PTPRD: variants seen among roughly 807,000 people sequenced by gnomAD.
PTPRD encodes the protein protein tyrosine phosphatase receptor type D.
A neutral mutation model predicts 214.5 loss-of-function variants in PTPRD; 34 were observed. The observed-to-expected ratio is 0.16, with a 90% confidence interval of 0.12 to 0.21. The LOEUF is 0.21. Among genes scored for constraint, PTPRD ranks in the 10% least tolerant of loss-of-function variants. The probability of loss-of-function intolerance (pLI) is 1.00; values close to 1 mark genes in which losing one functional copy is unlikely to be tolerated. For synonymous variants in PTPRD, 1,128 were observed against 845.7 expected, an observed-to-expected ratio of 1.33 and a Z score of -5.79; for missense variants, 2,545 against 2,398.7, an observed-to-expected ratio of 1.06 and a Z score of -1.27.
chr9:9,552,758 T>A (rs1304579685), intron 8 of PTPRD, among the ~76,000 whole-genome samples: 2 of 152,098 alleles, frequency 1.3e-5, no homozygotes, highest in African/African-American at 4.8e-5. Flanking sequence ...AATCACATTG[T>A]GACATGGCTG....
chr9:8,699,726 T>C (rs2098028094), intron 12 of PTPRD, among the ~76,000 whole-genome samples: 1 of 151,710 alleles, frequency 6.6e-6, no homozygotes, highest in Non-Finnish European at 1.5e-5. Flanking sequence ...TCACATTGCT[T>C]CAGTAGAATC....
chr9:10,328,351 C>T (rs138091581), intron 3 of PTPRD, among the ~76,000 whole-genome samples: 4 of 151,626 alleles, frequency 2.6e-5, no homozygotes, highest in African/African-American at 9.7e-5. Flanking sequence ...TGCATTTGCA[C>T]AGGAGACTGT....
intron 10 of PTPRD, among the ~76,000 whole-genome samples, chr9:9,044,036 G>C (rs2099659268): frequency 1.3e-5 from 2 of 152,094 alleles, no homozygotes; most frequent in East Asian, 3.9e-4. Flanking sequence ...ATTTAAATAA[G>C]AGCTAATGTT....
At chr9:8,903,401 T>C (rs571226426) in intron 11 of PTPRD, among the ~76,000 whole-genome samples, 96 of 152,280 alleles carry the variant, frequency 6.3e-4, no homozygotes, top group Non-Finnish European at 1.3e-3. Flanking sequence ...TAGTCATCCA[T>C]TAGCATCATT....
chr9:10,164,617 G>A (rs549029948), intron 3 of PTPRD, among the ~76,000 whole-genome samples: 41 of 151,640 alleles, frequency 2.7e-4, no homozygotes, highest in South Asian at 1.7e-3. Flanking sequence ...GATTTGCATC[G>A]TCCTTATAAA....
rs1315107451 is a variant in PTPRD at position 8,517,773 on chromosome 9, CTTTG to C, written c.1543+71_1543+74del. The C allele has an allele frequency of 2.1e-4, 271 of 1,275,508 alleles. 1 individual carries two copies. Among genetic ancestry groups the C allele is most frequent in the Middle Eastern group, 3.9e-4 (2 of 5,154 alleles). 79.0% of individuals were successfully genotyped at this position (1,275,508 alleles called of 1,614,324 possible). The stretch of plus-strand genomic sequence containing the variant: ...AAAATTCATACCATCTTTGTTCCTT[CTTTG>C]TTTTTGTCCTTCTCACCTCTTTGCA... On this transcript the variant is annotated intron_variant, in intron 21 of 45. Transcript: ENST00000381196.
intron 11 of PTPRD, among the ~76,000 whole-genome samples, chr9:8,923,160 G>T (rs1386940515): frequency 6.6e-6 from 1 of 151,508 alleles, no homozygotes; most frequent in Non-Finnish European, 1.5e-5. Context: ...TCCTGCCTCA[G>T]CCTCCTAAGT....
chr9:8,552,592 G>C lies in PTPRD; in HGVS notation c.353-23813C>G, dbSNP rs2082427752. On this transcript the variant is annotated intron_variant, in intron 14 of 45. Transcript: ENST00000381196. ...TGATGAACGGAGGCCAAGCAAATAG[G>C]AAATCCAACCAGCGACCAGATCAGG... Among the ~76,000 whole-genome samples the C allele has an allele frequency of 2.6e-5, 4 of 152,086 alleles. No individual in the cohort carries two copies. In the South Asian group the frequency reaches 6.2e-4, roughly 24 times the overall value.
At chr9:8,485,450 T>C in intron 28 of PTPRD, 126 bp from the exon 29 acceptor site, 2 of 685,440 alleles carry the variant, frequency 2.9e-6, no homozygotes, top group Non-Finnish European at 4.9e-6. Flanking sequence ...AAGTATGATT[T>C]TCCTACCTGT....
intron 2 of PTPRD, among the ~76,000 whole-genome samples, chr9:10,342,618 T>C (rs2096963849): frequency 6.6e-6 from 1 of 152,114 alleles, no homozygotes; most frequent in Non-Finnish European, 1.5e-5. Flanking sequence ...ATAAATACAC[T>C]TACTTAGAGT....
chr9:10,445,186 G>A (rs943946972), intron 2 of PTPRD, among the ~76,000 whole-genome samples: 6 of 151,966 alleles, frequency 3.9e-5, no homozygotes, highest in African/African-American at 1.4e-4. Context: ...CTTACAGGAG[G>A]AACTAATTAT....
chr9:8,918,859 T>C (rs79924363), intron 11 of PTPRD, among the ~76,000 whole-genome samples: 6 of 152,312 alleles, frequency 3.9e-5, no homozygotes, highest in Non-Finnish European at 8.8e-5. Context: ...CACGGGCTAA[T>C]TTCTATCTAG....
At chr9:8,627,688 A>C (rs556747276) in intron 14 of PTPRD, among the ~76,000 whole-genome samples, 1 of 151,888 alleles carries the variant, frequency 6.6e-6, no homozygotes, top group Admixed American at 6.6e-5. Context: ...CAAAAGATAG[A>C]TCAGAAGGAA....
At chr9:9,001,076 A>T (rs2154355030) in intron 11 of PTPRD, among the ~76,000 whole-genome samples, 1 of 152,062 alleles carries the variant, frequency 6.6e-6, no homozygotes, top group Non-Finnish European at 1.5e-5. Context: ...ATTTCTGTTG[A>T]TTGTGGAGAA....
chr9:8,771,127 G>C (rs2095173582), intron 11 of PTPRD, among the ~76,000 whole-genome samples: 1 of 147,486 alleles, frequency 6.8e-6, no homozygotes, highest in African/African-American at 2.6e-5. Flanking sequence ...CTTGCAGTGA[G>C]CCGAGATCAC....
At chr9:8,359,524 G>A (rs1368375396) in intron 39 of PTPRD, among the ~76,000 whole-genome samples, 1 of 152,084 alleles carries the variant, frequency 6.6e-6, no homozygotes, top group Non-Finnish European at 1.5e-5. Flanking sequence ...AGTAGAGACA[G>A]GGTTTCACTG....
intron 12 of PTPRD, among the ~76,000 whole-genome samples, chr9:8,690,328 C>T (rs529259777): frequency 6.6e-6 from 1 of 151,640 alleles, no homozygotes; most frequent in African/African-American, 2.4e-5. Context: ...GACATGGAGA[C>T]CATCCTGGAT....
chr9:9,015,607 T>C (rs1190264751), intron 11 of PTPRD, among the ~76,000 whole-genome samples: 3 of 152,150 alleles, frequency 2.0e-5, no homozygotes, highest in Non-Finnish European at 4.4e-5. Context: ...AATAAATTTG[T>C]TTTCACTTTA....
intron 11 of PTPRD, among the ~76,000 whole-genome samples, chr9:8,939,616 G>T (rs1037895591): frequency 2.0e-5 from 3 of 151,946 alleles, no homozygotes; most frequent in Admixed American, 2.0e-4. Context: ...AATGTGCTCT[G>T]CACTGCAAAT....
Sources: allele counts gnomAD v4.1 joint callset (sites outside exome capture counted in the v4.1 genomes callset), GRCh38; gene constraint gnomAD v4.1.1; transcripts MANE v1.5; gene names NCBI Gene and HGNC (gene_info 2026-07-23, HGNC 2026-07-21).